The following PLD5 variants were observed in gnomAD, a reference collection of about 807,000 sequenced individuals.
PLD5 encodes the protein phospholipase D family member 5, also known as inactive phospholipase D5.
A neutral mutation model predicts 61.1 loss-of-function variants in PLD5; 36 were observed. That is an observed-to-expected ratio of 0.59 (90% CI 0.45 to 0.78). The LOEUF (loss-of-function observed/expected upper bound fraction) is 0.78, where lower values mean the gene tolerates loss of function less well. Ranked by LOEUF, PLD5 falls within the 30% of genes least tolerant of loss-of-function variation. PLD5 has a pLI of 0.00. For missense variants in PLD5, 515 were observed against 644.4 expected (o/e 0.80, Z 2.17); for synonymous variants, 243 against 242.8 (o/e 1.00, Z -0.01).
chr1:242,527,111 CTTCTTTTTTT>C (rs1669464157), upstream of PLD5, among the ~76,000 whole-genome samples: 1 of 89,636 alleles, frequency 1.1e-5, no homozygotes. Flanking sequence ...CTACTATCTC[CTTCTTTTTTT>C]TTTTTTTTTT....
chr1:242,482,269 G>C (rs1024834660), intron 1 of PLD5, among the ~76,000 whole-genome samples: 29 of 152,254 alleles, frequency 1.9e-4, no homozygotes, highest in African/African-American at 7.0e-4. Context: ...CAACCTAAAG[G>C]AGCAAGTTCG....
At chr1:242,468,744 C>T (rs1254724644) in intron 1 of PLD5, among the ~76,000 whole-genome samples, 3 of 151,914 alleles carry the variant, frequency 2.0e-5, no homozygotes, top group Non-Finnish European at 4.4e-5. Flanking sequence ...TACTTTTTCC[C>T]ATCAATTTCT....
chr1:242,446,910 G>C (rs781565699), intron 1 of PLD5, among the ~76,000 whole-genome samples: 3 of 152,154 alleles, frequency 2.0e-5, no homozygotes, highest in Non-Finnish European at 2.9e-5. Context: ...GAGGGCCCTA[G>C]AGCCAGTAGC....
At chr1:242,275,240 G>C (rs931349962) in intron 3 of PLD5, among the ~76,000 whole-genome samples, 1 of 151,568 alleles carries the variant, frequency 6.6e-6, no homozygotes, top group Non-Finnish European at 1.5e-5. Context: ...TATGACCTAA[G>C]AGGAAAGATC....
chr1:242,399,673 G>A (rs537796964), intron 1 of PLD5, among the ~76,000 whole-genome samples: 2 of 152,002 alleles, frequency 1.3e-5, no homozygotes, highest in African/African-American at 4.8e-5. Flanking sequence ...TATATCGGGG[G>A]TCCCCAATCC....
In PLD5 at chr1:242,175,624, A is replaced by C. The variant is rs189790959; in HGVS notation, c.735+44364T>G. 1.2e-3 allele frequency among the ~76,000 whole-genome samples: 186 copies of C among 152,312 alleles called. 1 individual carries two copies. Among genetic ancestry groups the C allele is most frequent in the African/African-American group, 4.3e-3 (179 of 41,564 alleles). On this transcript the variant is annotated intron_variant, in intron 5 of 9. Coordinates refer to ENST00000536534, the MANE Select transcript of PLD5 (RefSeq NM_001372062.1). ...GACAATCAGGCAAGAGAAAGAAATA[A>C]AGCGTATTCAAATAGGAAGAGAGGA...
chr1:242,209,471 G>A (rs546526755), intron 5 of PLD5: 1 of 152,294 alleles, frequency 6.6e-6, no homozygotes, highest in Non-Finnish European at 1.5e-5. Context: ...CTCACTTCAT[G>A]TTTCCATGCC....
At chr1:242,316,616 C>T in intron 2 of PLD5, among the ~76,000 whole-genome samples, 1 of 152,072 alleles carries the variant, frequency 6.6e-6, no homozygotes, top group Non-Finnish European at 1.5e-5. Context: ...GATTATTTAA[C>T]ATTTAATAAT....
intron 1 of PLD5, among the ~76,000 whole-genome samples, chr1:242,434,603 GTTTTA>G (rs1044552927): frequency 9.2e-5 from 14 of 151,982 alleles, no homozygotes; most frequent in South Asian, 4.2e-4. Context: ...GACATCCCTT[GTTTTA>G]TTTTATTTAT....
At chr1:242,494,878 C>CTTTTTTTTTTTTTTTTTTTTTTTTT (rs556893161) in intron 1 of PLD5, among the ~76,000 whole-genome samples, 4 of 135,884 alleles carry the variant, frequency 2.9e-5, no homozygotes, top group African/African-American at 1.1e-4. Context: ...TTTTTCTTTT[C>CTTTTTTTTTTTTTTTTTTTTTTTTT]TGTTTTTTTT....
At chr1:242,247,050 C>G (rs920098817) in intron 4 of PLD5, among the ~76,000 whole-genome samples, 4 of 150,430 alleles carry the variant, frequency 2.7e-5, no homozygotes, top group Non-Finnish European at 5.9e-5. Flanking sequence ...GTGGCGCGAT[C>G]TCGACTCACT....
intron 1 of PLD5, among the ~76,000 whole-genome samples, chr1:242,435,163 A>G (rs1665929048): frequency 6.6e-6 from 1 of 152,072 alleles, no homozygotes; most frequent in African/African-American, 2.4e-5. Context: ...GTATTCATGG[A>G]TTTCCTATTT....
rs564331989 is a variant in PLD5 at position 242,239,728 on chromosome 1, C to T, written c.608-19613G>A. Among the ~76,000 whole-genome samples the T allele has an allele frequency of 5.3e-5, 8 of 152,242 alleles. No individual in the cohort carries two copies. The East Asian group carries it at 5.8e-4, about 11-fold the overall frequency. Reference sequence around the variant, plus strand: ...CCACCGCTTAACCAACTTGTCCCCTCGGGCAAGTCGTTTAATCTCTCAGAG... The same window carrying T: ...CCACCGCTTAACCAACTTGTCCCCTTGGGCAAGTCGTTTAATCTCTCAGAG... On this transcript the variant is annotated intron_variant, in intron 4 of 9. Transcript: ENST00000536534.
Position 242,373,191 on chromosome 1 carries a change from G to A in PLD5, c.190-24949C>T, listed in dbSNP as rs372999321. Reference sequence around the variant, plus strand: ...AGACATTTATGCAGCCAACAGACACGTGAAAAAATGCTCATCATCACTGGC... The same window carrying A: ...AGACATTTATGCAGCCAACAGACACATGAAAAAATGCTCATCATCACTGGC... On this transcript the variant is annotated intron_variant, in intron 1 of 9. Coordinates refer to ENST00000536534, the MANE Select transcript of PLD5 (RefSeq NM_001372062.1). Among the ~76,000 whole-genome samples the A allele has an allele frequency of 8.5e-5, 13 of 152,186 alleles. No homozygotes were observed. In the East Asian group the frequency reaches 1.7e-3, roughly 20 times the overall value.
intron 5 of PLD5, among the ~76,000 whole-genome samples, chr1:242,135,000 A>G (rs889654185): frequency 2.6e-5 from 4 of 152,236 alleles, no homozygotes; most frequent in African/African-American, 9.6e-5. Flanking sequence ...GCAAGGACTC[A>G]GGATTGATTT....
intron 5 of PLD5, among the ~76,000 whole-genome samples, chr1:242,126,492 C>G (rs1445102077): frequency 6.6e-6 from 1 of 152,078 alleles, no homozygotes; most frequent in Non-Finnish European, 1.5e-5. Context: ...AATAGAGAAC[C>G]CAGAAATAAG....
At chr1:242,241,695 T>C (rs545064428) in intron 4 of PLD5, among the ~76,000 whole-genome samples, 21 of 151,706 alleles carry the variant, frequency 1.4e-4, no homozygotes, top group Non-Finnish European at 2.1e-4. Context: ...TGTGCGCAGG[T>C]TGGTGAGGTA....
At chr1:242,435,896 A>C (rs1389000361) in intron 1 of PLD5, among the ~76,000 whole-genome samples, 1 of 152,216 alleles carries the variant, frequency 6.6e-6, no homozygotes, top group African/African-American at 2.4e-5. Flanking sequence ...ACCTCACAGA[A>C]ACCAACCCAG....
At chr1:242,363,148 C>A (rs114789573) in intron 1 of PLD5, among the ~76,000 whole-genome samples, 2,618 of 152,172 alleles carry the variant, frequency 0.017, 74 homozygotes, top group African/African-American at 0.06. Flanking sequence ...CTACCTGTCA[C>A]CTGGGGCACA....
Sources: gnomAD v4.1 joint callset for allele counts (sites outside exome capture counted in the v4.1 genomes callset) on GRCh38, gnomAD v4.1.1 for gene constraint, MANE v1.5 for transcripts, NCBI Gene and HGNC (gene_info 2026-07-23, HGNC 2026-07-21) for gene names.